CCR3: variants seen among roughly 807,000 people sequenced by gnomAD.
CCR3 encodes C-C chemokine receptor type 3.
For missense variants in CCR3, 419 were observed against 437.5 expected (o/e 0.96, Z 0.38); for synonymous variants, 203 against 179.2 (o/e 1.13, Z -1.06).
chr3:46,257,569 C>T (rs1254579619), intron 1 of CCR3, among the ~76,000 whole-genome samples: 2 of 151,378 alleles, frequency 1.3e-5, no homozygotes, highest in East Asian at 1.9e-4. Flanking sequence ...GGGCTTAAGA[C>T]ATCAATTTGA....
chr3:46,216,636 C>A (rs1047313979), intron 2 of CCR3, among the ~76,000 whole-genome samples: 8 of 152,100 alleles, frequency 5.3e-5, no homozygotes, highest in Non-Finnish European at 1.0e-4. Flanking sequence ...TAATGAAAAC[C>A]TATCAGATTA....
chr3:46,235,931 C>T (rs1280038201), intron 2 of CCR3, among the ~76,000 whole-genome samples: 1 of 152,164 alleles, frequency 6.6e-6, no homozygotes, highest in Non-Finnish European at 1.5e-5. Flanking sequence ...CATTCCAGGA[C>T]ATTATTTTTG....
chr3:46,262,528 A>G (rs146726096), intron 1 of CCR3, among the ~76,000 whole-genome samples: 48 of 152,344 alleles, frequency 3.2e-4, no homozygotes, highest in Non-Finnish European at 6.0e-4. Flanking sequence ...TCCAAAATGT[A>G]AAAGGCCATT....
chr3:46,245,972 C>T (rs1700182017), intron 1 of CCR3, among the ~76,000 whole-genome samples: 1 of 152,134 alleles, frequency 6.6e-6, no homozygotes, highest in African/African-American at 2.4e-5. Context: ...AGTTTGATTT[C>T]ATGCAAAGGC....
Position 46,263,529 on chromosome 3 carries a change from C to T in CCR3, c.-11-1619C>T, listed in dbSNP as rs41376151. ...TCAGTGGGAGATGTACCTGGACAGA[C>T]CCATGAAAAGAGATCAACAAGTTCC... On this transcript the variant is annotated intron_variant, in intron 1 of 1. Coordinates refer to ENST00000395940, the MANE Select transcript of CCR3 (RefSeq NM_178329.3). 1,324 of 153,592 alleles carry T rather than the reference C, an allele frequency of 8.6e-3. 8 individuals are homozygous for T. The highest frequency in any genetic ancestry group is 0.013 in the Non-Finnish European group (906 of 68,096). The allele number at this position is 153,592 out of a possible 1,614,324, so 9.5% of individuals were successfully genotyped here.
intron 2 of CCR3, among the ~76,000 whole-genome samples, chr3:46,232,507 A>G (rs1488113368): frequency 6.6e-6 from 1 of 152,224 alleles, no homozygotes; most frequent in Non-Finnish European, 1.5e-5. Context: ...ATGTCAGTGC[A>G]TCTCTAGGGA....
At chr3:46,228,244 A>G (rs1699926017) in intron 2 of CCR3, among the ~76,000 whole-genome samples, 1 of 150,958 alleles carries the variant, frequency 6.6e-6, no homozygotes, top group African/African-American at 2.4e-5. Context: ...TAGATCTTAC[A>G]TTGTACGCAC....
At chr3:46,218,407 G>A (rs891927964) in intron 2 of CCR3, among the ~76,000 whole-genome samples, 2 of 151,772 alleles carry the variant, frequency 1.3e-5, no homozygotes, top group African/African-American at 2.4e-5. Context: ...AAGAAGAATT[G>A]GCACCAATCC....
chr3:46,212,053 C>T (rs1020043832), intron 2 of CCR3, among the ~76,000 whole-genome samples: 10 of 152,186 alleles, frequency 6.6e-5, no homozygotes, highest in African/African-American at 9.7e-5. Flanking sequence ...TCATGACCTG[C>T]ACACATCATC....
At chr3:46,217,651 A>T (rs534919282) in intron 2 of CCR3, among the ~76,000 whole-genome samples, 2 of 152,228 alleles carry the variant, frequency 1.3e-5, no homozygotes, top group South Asian at 4.1e-4. Flanking sequence ...GGAAATTAAA[A>T]GTTAAAAGGA....
chr3:46,230,987 C>A (rs904637547), intron 2 of CCR3, among the ~76,000 whole-genome samples: 1 of 152,140 alleles, frequency 6.6e-6, no homozygotes, highest in Non-Finnish European at 1.5e-5. Context: ...TGCAGTGGCG[C>A]GATCTTGGCT....
intron 1 of CCR3, among the ~76,000 whole-genome samples, chr3:46,245,620 C>T (rs1029590896): frequency 1.1e-4 from 17 of 151,814 alleles, no homozygotes; most frequent in African/African-American, 4.1e-4. Flanking sequence ...TAGGTAAACT[C>T]GTGCCATGGG....
Position 46,253,148 on chromosome 3 carries a change from T to A in CCR3, c.-12+10610T>A, listed in dbSNP as rs1247241186. 2.0e-5 allele frequency among the ~76,000 whole-genome samples: 3 copies of A among 152,120 alleles called. No homozygotes were observed. In the East Asian group the frequency reaches 5.8e-4, roughly 29 times the overall value. On this transcript the variant is annotated intron_variant, in intron 1 of 1. Coordinates refer to ENST00000395940, the MANE Select transcript of CCR3 (RefSeq NM_178329.3). Reference sequence around the variant, plus strand: ...GACTGAGAAATGCTGCTCTAGCCAATCTTCCTCCCTCTGGGGGAATCCCTT... The same window carrying A: ...GACTGAGAAATGCTGCTCTAGCCAAACTTCCTCCCTCTGGGGGAATCCCTT...
At chr3:46,237,347 G>A (rs1700035805) in intron 2 of CCR3, among the ~76,000 whole-genome samples, 1 of 152,120 alleles carries the variant, frequency 6.6e-6, no homozygotes, top group Non-Finnish European at 1.5e-5. Flanking sequence ...ATTAGTACTT[G>A]GGTGAATGGT....
intron 1 of CCR3, among the ~76,000 whole-genome samples, chr3:46,254,257 A>G (rs1700371969): frequency 6.6e-6 from 1 of 152,188 alleles, no homozygotes; most frequent in Non-Finnish European, 1.5e-5. Flanking sequence ...CTCCCCTCTG[A>G]GGAGGAGAGG....
intron 2 of CCR3, among the ~76,000 whole-genome samples, chr3:46,236,179 G>T (rs1422795049): frequency 6.6e-6 from 1 of 152,166 alleles, no homozygotes; most frequent in Non-Finnish European, 1.5e-5. Flanking sequence ...GCCTCCTTGG[G>T]AACTCCATGC....
intron 2 of CCR3, among the ~76,000 whole-genome samples, chr3:46,228,451 G>A (rs773588415): frequency 1.6e-4 from 24 of 151,976 alleles, no homozygotes; most frequent in Non-Finnish European, 3.1e-4. Context: ...TTGTATCTGT[G>A]GTGCACATGT....
In CCR3 at chr3:46,265,629, C is replaced by T. The variant is rs1462645074; in HGVS notation, c.471C>T (p.Thr157=). The T allele has an allele frequency of 6.2e-6, 10 of 1,614,172 alleles. No individual in the cohort carries two copies. The East Asian group carries it at 2.2e-4, about 36-fold the overall frequency. ...VTFGVITSIV[T]WGLAVLAALP... ...TTGGTGTCATCACCAGCATCGTCACCTGGGGCCTGGCAGTGCTAGCAGCTC... is the reference window on the plus strand; with the variant it reads ...TTGGTGTCATCACCAGCATCGTCACTTGGGGCCTGGCAGTGCTAGCAGCTC... Residue 157 remains threonine, a synonymous_variant, in exon 2 of 2, where the codon ACC becomes ACT. Coordinates refer to ENST00000395940, the MANE Select transcript of CCR3 (RefSeq NM_178329.3).
chr3:46,214,419 T>C (rs746585519), intron 2 of CCR3, among the ~76,000 whole-genome samples: 6 of 152,156 alleles, frequency 3.9e-5, no homozygotes, highest in African/African-American at 9.7e-5. Context: ...CATTGCTCTA[T>C]TGATTTTCTC....
Sources: gnomAD v4.1 joint callset for allele counts (sites outside exome capture counted in the v4.1 genomes callset) on GRCh38, gnomAD v4.1.1 for gene constraint, MANE v1.5 for transcripts, NCBI Gene and HGNC (gene_info 2026-07-23, HGNC 2026-07-21) for gene names.